SWAP70: variants seen among roughly 807,000 people sequenced by gnomAD.
The protein encoded by SWAP70 is switching B cell complex subunit SWAP70.
Under a neutral mutation model 80.2 loss-of-function variants are expected in SWAP70, and 34 were observed. The observed-to-expected ratio is 0.42, with a 90% CI of 0.32 to 0.56. SWAP70 has a LOEUF of 0.56. Among genes scored for constraint, SWAP70 ranks in the 20% least tolerant of loss-of-function variants. The pLI is 0.09. For synonymous variants in SWAP70, 239 were observed against 238.5 expected (o/e 1.00, Z -0.02); for missense variants, 578 against 690.7 (o/e 0.84, Z 1.83).
At chr11:9,722,131 C>G (rs1367651248) in intron 3 of SWAP70, among the ~76,000 whole-genome samples, 1 of 152,154 alleles carries the variant, frequency 6.6e-6, no homozygotes, top group East Asian at 1.9e-4. Context: ...AGTGGAGTAC[C>G]TACTATGTGA....
intron 2 of SWAP70, 93 bp from the exon 3 acceptor site, chr11:9,713,373 G>A (rs1390292066): frequency 6.3e-6 from 8 of 1,273,532 alleles, no homozygotes; most frequent in Non-Finnish European, 8.5e-6. Context: ...ATTAAAATGG[G>A]AGCCAAAGGA....
At position 9,713,458 on chromosome 11, in the gene SWAP70, CT is replaced by C; in HGVS notation, c.241-3del. ...GATTTGTTGGAGTTTTTCCTTATTC[CT>C]TTTTAGGTCCAAGACAACTTTGACA... On this transcript the variant is annotated splice_polypyrimidine_tract_variant and splice_region_variant and intron_variant, in intron 2 of 11. Coordinates refer to ENST00000318950, the MANE Select transcript of SWAP70 (RefSeq NM_015055.4). 1 of 1,603,104 alleles carries C rather than the reference CT, an allele frequency of 6.2e-7. No individual in the cohort carries two copies. Among genetic ancestry groups the C allele is most frequent in the Non-Finnish European group, 8.5e-7 (1 of 1,175,692 alleles).
At chr11:9,723,797 A>G (rs1233487732) in intron 3 of SWAP70, among the ~76,000 whole-genome samples, 2 of 144,776 alleles carry the variant, frequency 1.4e-5, no homozygotes, top group Middle Eastern at 3.5e-3. Context: ...TTTTTGAAAC[A>G]AGAGTCTTGC....
At chr11:9,689,166 G>A (rs1426241588) in intron 1 of SWAP70, among the ~76,000 whole-genome samples, 4 of 152,128 alleles carry the variant, frequency 2.6e-5, no homozygotes, top group African/African-American at 9.7e-5. Flanking sequence ...TGGGTGGCAC[G>A]TTTTAAATAA....
intron 1 of SWAP70, among the ~76,000 whole-genome samples, chr11:9,670,536 G>C (rs1456571482): frequency 6.6e-6 from 1 of 151,890 alleles, no homozygotes; most frequent in Non-Finnish European, 1.5e-5. Flanking sequence ...TGTCAGTAAG[G>C]AATTTGGTAG....
chr11:9,664,078 G>GGTGACTGCGCGGCGGGCT lies in SWAP70; in HGVS notation c.-98_-81dup. The GGTGACTGCGCGGCGGGCT allele has an allele frequency of 5.1e-6, 6 of 1,172,848 alleles. No individual in the cohort carries two copies. Among genetic ancestry groups the GGTGACTGCGCGGCGGGCT allele is most frequent in the Non-Finnish European group, 6.9e-6 (6 of 873,248 alleles). 72.7% of individuals were successfully genotyped at this position (1,172,848 alleles called of 1,614,324 possible). A position where few individuals can be genotyped will look rare whatever the true frequency, so the allele number is the denominator to read the frequency against. The stretch of plus-strand genomic sequence containing the variant: ...GGCGGGGGCGGGGCCTGGCGGGTCA[G>GGTGACTGCGCGGCGGGCT]GTGACTGCGCGGCGGGCTGTGGCTG... On this transcript the variant is annotated 5_prime_UTR_variant, in exon 1 of 12. Transcript: ENST00000318950.
rs775633953 is a variant in SWAP70, at chr11:9,747,887, C to T, written c.1385C>T (p.Ala462Val). 6.2e-7 allele frequency: 1 copy of T among 1,614,168 alleles called. No individual in the cohort carries two copies. Among genetic ancestry groups the T allele is most frequent in the South Asian group, 1.1e-5 (1 of 91,082 alleles). Reference sequence around the variant, plus strand: ...TTGGAGGAAGAGTCTTCCAAGAGGGCTGAACTAGAAAAGTGGCACTTGGAG... The same window carrying T: ...TTGGAGGAAGAGTCTTCCAAGAGGGTTGAACTAGAAAAGTGGCACTTGGAG... Reference protein sequence around the residue: ...RLLEEESSKRAELEKWHLEQQ... With the variant: ...RLLEEESSKRVELEKWHLEQQ... The change falls in exon 10 of 12, where the codon GCT (alanine) becomes GTT (valine). Residue 462 changes from alanine (A) to valine (V), a missense_variant. Physicochemically the swap from Ala to Val is moderately conservative, Grantham distance 64. Coordinates refer to ENST00000318950, the MANE Select transcript of SWAP70 (RefSeq NM_015055.4).
chr11:9,672,685 A>C (rs1850434560), intron 1 of SWAP70, among the ~76,000 whole-genome samples: 1 of 151,964 alleles, frequency 6.6e-6, no homozygotes, highest in African/African-American at 2.4e-5. Flanking sequence ...CATTTTTAAG[A>C]AGATTACTTT....
intron 1 of SWAP70, among the ~76,000 whole-genome samples, chr11:9,671,844 A>G (rs1164214024): frequency 2.8e-5 from 3 of 105,628 alleles, no homozygotes; most frequent in African/African-American, 1.2e-4. Flanking sequence ...AATATATAAT[A>G]TATAAAATAA....
At chr11:9,686,905 T>C (rs1850640413) in intron 1 of SWAP70, among the ~76,000 whole-genome samples, 1 of 152,194 alleles carries the variant, frequency 6.6e-6, no homozygotes, top group Non-Finnish European at 1.5e-5. Context: ...ATGTCAGTAG[T>C]ACTGAAGTTG....
intron 2 of SWAP70, among the ~76,000 whole-genome samples, chr11:9,695,475 A>G (rs1371303599): frequency 1.3e-5 from 2 of 152,154 alleles, no homozygotes; most frequent in South Asian, 2.1e-4. Context: ...TTGCAGGGAC[A>G]TGGATGAAGC....
At chr11:9,743,781 C>T (rs1851474033) in intron 9 of SWAP70, among the ~76,000 whole-genome samples, 1 of 151,992 alleles carries the variant, frequency 6.6e-6, no homozygotes, top group Admixed American at 6.6e-5. Flanking sequence ...TTTGCTCACT[C>T]CTTTCTTAAA....
At chr11:9,690,894 T>A (rs1051669972) in intron 1 of SWAP70, among the ~76,000 whole-genome samples, 14 of 151,900 alleles carry the variant, frequency 9.2e-5, no homozygotes, top group African/African-American at 3.4e-4. Context: ...TATATATACA[T>A]ATATATTATA....
chr11:9,707,063 CTTT>C (rs1274889236), intron 2 of SWAP70, among the ~76,000 whole-genome samples: 1 of 151,830 alleles, frequency 6.6e-6, no homozygotes, highest in Non-Finnish European at 1.5e-5. Flanking sequence ...GATTGAATTT[CTTT>C]ATTTTGTTTG....
At chr11:9,717,254 A>G (rs1290880207) in intron 3 of SWAP70, among the ~76,000 whole-genome samples, 1 of 152,244 alleles carries the variant, frequency 6.6e-6, no homozygotes, top group Non-Finnish European at 1.5e-5. Flanking sequence ...ACAGAGGTGT[A>G]TAGAAGGGAA....
At chr11:9,699,686 C>G (rs900075618) in intron 2 of SWAP70, among the ~76,000 whole-genome samples, 1 of 151,858 alleles carries the variant, frequency 6.6e-6, no homozygotes, top group Non-Finnish European at 1.5e-5. Context: ...GAGATCCTAT[C>G]TCTATAAAAA....
chr11:9,703,072 A>G (rs186184874), intron 2 of SWAP70, among the ~76,000 whole-genome samples: 68 of 152,226 alleles, frequency 4.5e-4, no homozygotes, highest in Non-Finnish European at 7.6e-4. Flanking sequence ...TCTCATACCC[A>G]TTTAGCAATC....
At chr11:9,699,958 T>G (rs1473834138) in intron 2 of SWAP70, among the ~76,000 whole-genome samples, 1 of 151,526 alleles carries the variant, frequency 6.6e-6, no homozygotes, top group Non-Finnish European at 1.5e-5. Context: ...TACTGGGAAA[T>G]TCTCAGAAAT....
intron 8 of SWAP70, among the ~76,000 whole-genome samples, chr11:9,738,705 AAAAG>A (rs1851396429): frequency 6.6e-6 from 1 of 151,240 alleles, no homozygotes; most frequent in Non-Finnish European, 1.5e-5. Flanking sequence ...AAAAAAAAAA[AAAAG>A]AATTAGCCAG....
Sources: allele counts gnomAD v4.1 joint callset (sites outside exome capture counted in the v4.1 genomes callset), GRCh38; gene constraint gnomAD v4.1.1; transcripts MANE v1.5; gene names NCBI Gene and HGNC (gene_info 2026-07-23, HGNC 2026-07-21).